CEP85L: variants seen among roughly 807,000 people sequenced by gnomAD.
CEP85L encodes the protein centrosomal protein of 85 kDa-like.
Under a neutral mutation model 100.3 loss-of-function variants are expected in CEP85L, and 60 were observed. The ratio of observed to expected loss-of-function variants is 0.60; its 90% CI spans 0.49 to 0.74. CEP85L has a LOEUF of 0.74. Among genes scored for constraint, CEP85L ranks in the 30% least tolerant of loss-of-function variants. The probability of loss-of-function intolerance (pLI) is 0.00; values close to 1 mark genes in which losing one functional copy is unlikely to be tolerated. For synonymous variants in CEP85L, 319 were observed against 322.7 expected (o/e 0.99, Z 0.12); for missense variants, 973 against 936.2 (o/e 1.04, Z -0.51).
chr6:118,549,072 GT>G (rs1371125855), intron 3 of CEP85L, among the ~76,000 whole-genome samples: 1 of 151,902 alleles, frequency 6.6e-6, no homozygotes, highest in African/African-American at 2.4e-5. Context: ...TCATAAAGAA[GT>G]TTAGAAATTT....
chr6:118,658,058 A>G (rs1396532796), intron 1 of CEP85L, among the ~76,000 whole-genome samples: 1 of 152,170 alleles, frequency 6.6e-6, no homozygotes, highest in Non-Finnish European at 1.5e-5. Flanking sequence ...AGTTAACATC[A>G]CTTAAACAAT....
rs537495886 is a variant in CEP85L, at chr6:118,636,059, A to T, written c.74-3448T>A. Among the ~76,000 whole-genome samples the T allele has an allele frequency of 3.9e-5, 6 of 152,346 alleles. No individual in the cohort carries two copies. The East Asian group carries it at 1.2e-3, about 29-fold the overall frequency. Reference sequence around the variant, plus strand: ...ACTCAATCTCCGTCTCAACTAGCCAATTCTGCCACTGTAGTCTAAATCAGC... The same window carrying T: ...ACTCAATCTCCGTCTCAACTAGCCATTTCTGCCACTGTAGTCTAAATCAGC... On this transcript the variant is annotated intron_variant, in intron 1 of 12. Transcript: ENST00000368491.
intron 3 of CEP85L, among the ~76,000 whole-genome samples, chr6:118,536,380 T>A (rs1198592366): frequency 6.6e-6 from 1 of 152,102 alleles, no homozygotes; most frequent in African/African-American, 2.4e-5. Flanking sequence ...TGAGTGGTGA[T>A]TATAAGGGGA....
intron 2 of CEP85L, among the ~76,000 whole-genome samples, chr6:118,631,828 T>G (rs1351792209): frequency 6.6e-6 from 1 of 152,136 alleles, no homozygotes; most frequent in Non-Finnish European, 1.5e-5. Context: ...GAAGTGGGTG[T>G]GGGAAACATG....
intron 10 of CEP85L, among the ~76,000 whole-genome samples, chr6:118,472,599 T>C (rs1203700865): frequency 6.6e-6 from 1 of 152,210 alleles, no homozygotes; most frequent in East Asian, 1.9e-4. Context: ...ATTTTATAAA[T>C]ACTTTTTGCA....
chr6:118,491,980 C>T, intron 5 of CEP85L, 115 bp from the exon 6 acceptor site: 2 of 605,850 alleles, frequency 3.3e-6, no homozygotes, highest in African/African-American at 1.9e-5. Context: ...TGAACAGACA[C>T]ACCTTGATTT....
Position 118,651,479 on chromosome 6 carries a change from G to T in CEP85L, c.-210C>A. On this transcript the variant is annotated 5_prime_UTR_variant, in exon 1 of 13. Coordinates refer to ENST00000368491, the MANE Select transcript of CEP85L (RefSeq NM_001042475.3). ...TGCCGGCGCCTGCCATGGCCAAGCC[G>T]GCTGGGCTGAGGCCCGCGCCGGGGA... 2 of 1,306,624 alleles carry T rather than the reference G, an allele frequency of 1.5e-6. No individual in the cohort carries two copies. Among genetic ancestry groups the T allele is most frequent in the Non-Finnish European group, 1.9e-6 (2 of 1,030,476 alleles). The allele number at this position is 1,306,624 out of a possible 1,614,324, so 80.9% of individuals were successfully genotyped here. A position where few individuals can be genotyped will look rare whatever the true frequency, so the allele number is the denominator to read the frequency against.
intron 6 of CEP85L, among the ~76,000 whole-genome samples, chr6:118,486,605 C>G (rs1774204883): frequency 6.6e-6 from 1 of 152,164 alleles, no homozygotes. Flanking sequence ...GGAGCCTGCT[C>G]TTCCTAATCT....
chr6:118,664,631 TTTTCTGGGTTTTCAGAAAATGTGG>T (rs1776076339), intron 1 of CEP85L: 2 of 152,278 alleles, frequency 1.3e-5, no homozygotes, highest in Non-Finnish European at 2.9e-5. Context: ...TACTTTCAGT[TTTTCTGGGTTTTCAGAAAATGTGG>T]TAACTTTAAA....
chr6:118,636,555 C>T (rs1022149209), intron 1 of CEP85L, among the ~76,000 whole-genome samples: 5 of 152,176 alleles, frequency 3.3e-5, no homozygotes, highest in Admixed American at 1.3e-4. Context: ...ACATTACTTC[C>T]GTGAAGGTGT....
intron 2 of CEP85L, among the ~76,000 whole-genome samples, chr6:118,592,372 T>C (rs1359545814): frequency 2.0e-5 from 3 of 151,122 alleles, no homozygotes; most frequent in Non-Finnish European, 2.9e-5. Context: ...GAGATAATTG[T>C]ATTTTACCTC....
At chr6:118,469,000 G>A (rs1772736909) in intron 12 of CEP85L, 72 bp downstream of exon 12, 2 of 1,001,680 alleles carry the variant, frequency 2.0e-6, no homozygotes, top group Admixed American at 3.8e-5. Context: ...AGAAAAGGCA[G>A]TCGGAAGTTC....
In CEP85L at chr6:118,557,111, T is replaced by C. The variant is rs138185303; in HGVS notation, c.1020+8418A>G. 3.7e-3 allele frequency among the ~76,000 whole-genome samples: 562 copies of C among 152,270 alleles called. 3 individuals are homozygous for C. The highest frequency in any genetic ancestry group is 0.013 in the African/African-American group (536 of 41,554). ...CTTCAGTACTTAACATCAAATCTTATTAAAATGTTACTTAAGATAACATTC... is the reference window on the plus strand; with the variant it reads ...CTTCAGTACTTAACATCAAATCTTACTAAAATGTTACTTAAGATAACATTC... On this transcript the variant is annotated intron_variant, in intron 3 of 12. Coordinates refer to ENST00000368491, the MANE Select transcript of CEP85L (RefSeq NM_001042475.3).
At chr6:118,516,069 T>G (rs945710658) in intron 4 of CEP85L, among the ~76,000 whole-genome samples, 47 of 152,152 alleles carry the variant, frequency 3.1e-4, no homozygotes, top group African/African-American at 1.1e-3. Flanking sequence ...TCCCTGCAAA[T>G]GACATGAACT....
intron 5 of CEP85L, among the ~76,000 whole-genome samples, chr6:118,498,076 GTTAC>G (rs1281328988): frequency 6.6e-6 from 1 of 152,286 alleles, no homozygotes; most frequent in Non-Finnish European, 1.5e-5. Context: ...GTGGTGTAGG[GTTAC>G]TTGACAGCAG....
Position 118,566,073 on chromosome 6 carries a change from A to G in CEP85L, c.476T>C (p.Leu159Ser). 6.2e-7 allele frequency: 1 copy of G among 1,614,192 alleles called. No homozygotes were observed. Among genetic ancestry groups the G allele is most frequent in the Non-Finnish European group, 8.5e-7 (1 of 1,180,040 alleles). ...DFRPLRKWSSLSKLTAPDNCG... is the reference protein window; with the variant it reads ...DFRPLRKWSSSSKLTAPDNCG... ...GTTATCCGGGGCAGTGAGTTTGGAT[A>G]AAGATGACCATTTCCGAAGTGGCCG... Residue 159 changes from leucine to serine, a missense_variant, in exon 3 of 13, where the codon TTA becomes TCA. Coordinates refer to ENST00000368491, the MANE Select transcript of CEP85L (RefSeq NM_001042475.3).
intron 3 of CEP85L, among the ~76,000 whole-genome samples, chr6:118,549,091 A>G (rs969635358): frequency 6.6e-6 from 1 of 151,980 alleles, no homozygotes; most frequent in African/African-American, 2.4e-5. Flanking sequence ...TTTTAAAACA[A>G]TGTTCACAAA....
chr6:118,605,483 C>G (rs1260706520), intron 2 of CEP85L, among the ~76,000 whole-genome samples: 1 of 152,208 alleles, frequency 6.6e-6, no homozygotes, highest in Non-Finnish European at 1.5e-5. Context: ...CACCAAAGCT[C>G]TCTCATAATG....
At chr6:118,489,528 A>T (rs183403652) in intron 6 of CEP85L, among the ~76,000 whole-genome samples, 1 of 152,318 alleles carries the variant, frequency 6.6e-6, no homozygotes, top group East Asian at 1.9e-4. Flanking sequence ...AAGACATACA[A>T]ATAGTGAACA....
Sources: allele counts gnomAD v4.1 joint callset (sites outside exome capture counted in the v4.1 genomes callset), GRCh38; gene constraint gnomAD v4.1.1; transcripts MANE v1.5; gene names NCBI Gene and HGNC (gene_info 2026-07-23, HGNC 2026-07-21).